The following CPVL variants were observed in gnomAD, a reference collection of about 807,000 sequenced individuals.
CPVL encodes the protein carboxypeptidase vitellogenic like, also known as probable serine carboxypeptidase CPVL.
A neutral mutation model predicts 63.7 loss-of-function variants in CPVL; 51 were observed. The observed-to-expected ratio is 0.80, with a 90% CI of 0.64 to 1.01. The LOEUF (loss-of-function observed/expected upper bound fraction) is 1.01. Among genes scored for constraint, CPVL ranks in the 50% least tolerant of loss-of-function variants. CPVL has a pLI of 0.00. For missense variants in CPVL, 530 were observed against 573.1 expected, an observed-to-expected ratio of 0.92 and a Z score of 0.77; for synonymous variants, 195 against 206.0, an observed-to-expected ratio of 0.95 and a Z score of 0.46.
intron 5 of CPVL, among the ~76,000 whole-genome samples, chr7:29,173,291 A>G (rs369743913): frequency 1.1e-4 from 17 of 152,292 alleles, no homozygotes; most frequent in South Asian, 2.1e-4. Flanking sequence ...CCCTGAATGC[A>G]TCTGCCAGGT....
intron 12 of CPVL, among the ~76,000 whole-genome samples, chr7:28,996,970 A>G (rs188131279): frequency 6.6e-6 from 1 of 152,350 alleles, no homozygotes; most frequent in East Asian, 1.9e-4. Flanking sequence ...ACAAATGCAG[A>G]CACCTACGTA....
intron 5 of CPVL, among the ~76,000 whole-genome samples, chr7:29,161,611 G>T (rs1584489112): frequency 6.6e-6 from 1 of 152,270 alleles, no homozygotes; most frequent in Middle Eastern, 3.4e-3. Context: ...CTGCTATTCA[G>T]TAGGTAACCA....
intron 7 of CPVL, among the ~76,000 whole-genome samples, chr7:29,078,157 C>CTTT (rs1484407601): frequency 6.6e-6 from 1 of 152,092 alleles, no homozygotes; most frequent in East Asian, 1.9e-4. Context: ...GTATCTATTT[C>CTTT]TTTTTTAATA....
At chr7:29,188,948 C>CTTTTTTTT (rs11376135) in intron 1 of CPVL, among the ~76,000 whole-genome samples, 1 of 129,984 alleles carries the variant, frequency 7.7e-6, no homozygotes, top group African/African-American at 2.9e-5. Flanking sequence ...TTCCTCATAC[C>CTTTTTTTT]TTTTTTTTTT....
At position 29,121,011 on chromosome 7, in the gene CPVL, A is replaced by C. The variant is rs768882244; in HGVS notation, c.51T>G (p.Pro17=). 7 of 1,612,628 alleles carry C rather than the reference A, an allele frequency of 4.3e-6. No homozygotes were observed. The highest frequency in any genetic ancestry group is 1.6e-4 in the Middle Eastern group (1 of 6,080). The part of the protein sequence containing the change: ...KVIVSLVLLM[P]GPCDGLFRSL... ...AGCGAAACAGCCCATCACAGGGGCC[A>C]GGCATCAACAGGACCAGCGAAACAA... The change falls in exon 2 of 13, where the codon CCT becomes CCG. Residue 17 remains proline, a synonymous_variant. Coordinates refer to ENST00000265394, the MANE Select transcript of CPVL (RefSeq NM_031311.5).
chr7:29,050,718 T>C (rs1383330674), intron 11 of CPVL, among the ~76,000 whole-genome samples: 1 of 152,036 alleles, frequency 6.6e-6, no homozygotes, highest in Non-Finnish European at 1.5e-5. Flanking sequence ...ACCACCATCA[T>C]TCTTCACAGA....
chr7:29,154,694 G>T (rs1356838678), intron 5 of CPVL, among the ~76,000 whole-genome samples: 1 of 152,096 alleles, frequency 6.6e-6, no homozygotes, highest in Non-Finnish European at 1.5e-5. Context: ...AATTAGCCAG[G>T]TGTGGTGGCA....
intron 11 of CPVL, among the ~76,000 whole-genome samples, chr7:29,034,700 T>G (rs1360113744): frequency 2.0e-5 from 3 of 152,074 alleles, no homozygotes; most frequent in Admixed American, 1.3e-4. Context: ...GTTATGAGAC[T>G]GGCTATTTTT....
At chr7:29,130,705 C>A (rs17677295) in intron 1 of CPVL, among the ~76,000 whole-genome samples, 4 of 152,256 alleles carry the variant, frequency 2.6e-5, no homozygotes, top group African/African-American at 9.6e-5. Context: ...TCAAAGTCCA[C>A]GTATTTTCCA....
chr7:29,025,331 A>C (rs1195731652), intron 12 of CPVL, among the ~76,000 whole-genome samples: 1 of 152,222 alleles, frequency 6.6e-6, no homozygotes, highest in African/African-American at 2.4e-5. Context: ...TTATGGCAGA[A>C]GGCAAAGTGG....
At chr7:29,086,976 T>C (rs1195773104) in intron 6 of CPVL, among the ~76,000 whole-genome samples, 1 of 152,192 alleles carries the variant, frequency 6.6e-6, no homozygotes, top group Non-Finnish European at 1.5e-5. Flanking sequence ...TGAACATTTC[T>C]GATGGAGCTC....
intron 11 of CPVL, among the ~76,000 whole-genome samples, chr7:29,038,573 A>G (rs1788766752): frequency 6.6e-6 from 1 of 152,234 alleles, no homozygotes; most frequent in South Asian, 2.1e-4. Context: ...ATTTCCTCTC[A>G]GCCACAATGA....
chr7:29,166,331 G>C (rs1007491122), intron 5 of CPVL, among the ~76,000 whole-genome samples: 14 of 152,244 alleles, frequency 9.2e-5, no homozygotes, highest in African/African-American at 3.4e-4. Context: ...CGCCCAACAT[G>C]GATAGCAAAG....
At chr7:29,195,364 G>A, upstream of CPVL, 2 of 233,922 alleles carry the variant, frequency 8.5e-6, no homozygotes, top group Non-Finnish European at 1.6e-5. Flanking sequence ...CGACCTGTTT[G>A]CCGTGCCGCG....
rs776451416 is a variant in CPVL, at chr7:29,170,073, C to G, written c.-11+11217G>C. 9.3e-4 allele frequency among the ~76,000 whole-genome samples: 141 copies of G among 151,968 alleles called. 1 individual carries two copies. The highest frequency in any genetic ancestry group is 1.5e-3 in the Non-Finnish European group (104 of 67,996). ...CCTTTTGATCCTTGTATTTGGCCTT[C>G]TTGACTAATCCAGTGCTCCCAGACT... On this transcript the variant is annotated intron_variant, in intron 5 of 16. Coordinates refer to the CPVL transcript ENST00000409850.
chr7:29,141,482 G>A (rs1478930652), intron 1 of CPVL, among the ~76,000 whole-genome samples: 2 of 151,832 alleles, frequency 1.3e-5, no homozygotes, highest in Non-Finnish European at 2.9e-5. Context: ...CCCAGGAGGC[G>A]GAGGTTGCAG....
At chr7:29,003,227 A>ATT (rs996795485) in intron 12 of CPVL, among the ~76,000 whole-genome samples, 3 of 152,006 alleles carry the variant, frequency 2.0e-5, no homozygotes, top group Non-Finnish European at 4.4e-5. Flanking sequence ...GACAGAGAAA[A>ATT]TCTTAAAAGC....
In CPVL at chr7:29,096,228, C is replaced by A. The variant is rs192009048; in HGVS notation, c.289-11G>T. 4.4e-5 allele frequency: 70 copies of A among 1,590,024 alleles called. No homozygotes were observed. The African/African-American group carries it at 7.8e-4, about 18-fold the overall frequency. ...ATCTTCTGGCTGTATCTAGAGGAAA[C>A]AGTAAAACCAGTGACCACACAGAAC... On this transcript the variant is annotated splice_polypyrimidine_tract_variant and intron_variant, in intron 3 of 12. Coordinates refer to ENST00000265394, the MANE Select transcript of CPVL (RefSeq NM_031311.5).
At chr7:29,096,749 C>T (rs569051677) in intron 3 of CPVL, among the ~76,000 whole-genome samples, 1 of 152,068 alleles carries the variant, frequency 6.6e-6, no homozygotes, top group African/African-American at 2.4e-5. Flanking sequence ...TTTGGGAGGC[C>T]GAGGCAGGCA....
Sources: gnomAD v4.1 joint callset for allele counts (sites outside exome capture counted in the v4.1 genomes callset) on GRCh38, gnomAD v4.1.1 for gene constraint, MANE v1.5 for transcripts, NCBI Gene and HGNC (gene_info 2026-07-23, HGNC 2026-07-21) for gene names.